The following SLC24A2 variants were observed in gnomAD, a reference collection of about 807,000 sequenced individuals.
SLC24A2 encodes sodium/potassium/calcium exchanger 2.
A neutral mutation model predicts 62.0 loss-of-function variants in SLC24A2; 36 were observed. The observed-to-expected ratio is 0.58, with a 90% CI of 0.44 to 0.77. SLC24A2 has a LOEUF of 0.77. Among genes scored for constraint, SLC24A2 ranks in the 30% least tolerant of loss-of-function variants. SLC24A2 has a pLI of 0.00. For synonymous variants in SLC24A2, 358 were observed against 294.0 expected, an observed-to-expected ratio of 1.22 and a Z score of -2.23; for missense variants, 846 against 817.9, an observed-to-expected ratio of 1.03 and a Z score of -0.42.
intron 8 of SLC24A2, among the ~76,000 whole-genome samples, chr9:19,543,435 G>T (rs1442082142): frequency 5.4e-5 from 8 of 148,896 alleles, no homozygotes; most frequent in African/African-American, 1.7e-4. Flanking sequence ...ATCTCCTTCA[G>T]TTCTGCTCTG....
chr9:19,818,111 C>A, the SLC24A2 span, among the ~76,000 whole-genome samples: 1 of 152,232 alleles, frequency 6.6e-6, no homozygotes, highest in South Asian at 2.1e-4. Context: ...ACAAGGACTA[C>A]GAGATTTATT....
the SLC24A2 span, among the ~76,000 whole-genome samples, chr9:19,923,427 C>T: frequency 6.6e-6 from 1 of 152,076 alleles, no homozygotes; most frequent in Non-Finnish European, 1.5e-5. Context: ...GGTATCCAGC[C>T]ATGATGAGGA....
chr9:19,719,906 G>C (rs140363191), intron 2 of SLC24A2, among the ~76,000 whole-genome samples: 6 of 152,282 alleles, frequency 3.9e-5, no homozygotes, highest in Non-Finnish European at 8.8e-5. Context: ...ATTGTTATGT[G>C]ATTGCAAGCA....
chr9:20,078,491 G>A, the SLC24A2 span, among the ~76,000 whole-genome samples: 12 of 152,088 alleles, frequency 7.9e-5, no homozygotes, highest in African/African-American at 1.2e-4. Flanking sequence ...AGAACAAGAT[G>A]GTCAGGTTTA....
At chr9:19,607,094 G>GTGTAAA in intron 4 of SLC24A2, among the ~76,000 whole-genome samples, 1 of 152,320 alleles carries the variant, frequency 6.6e-6, no homozygotes, top group South Asian at 2.1e-4. Flanking sequence ...GGTGTCTTTA[G>GTGTAAA]TGTAAATGCC....
At chr9:19,735,761 A>G (rs1392266121) in intron 2 of SLC24A2, among the ~76,000 whole-genome samples, 2 of 152,084 alleles carry the variant, frequency 1.3e-5, no homozygotes, top group Non-Finnish European at 2.9e-5. Context: ...CGCAAGGACA[A>G]AAAACCAAAC....
intron 2 of SLC24A2, among the ~76,000 whole-genome samples, chr9:19,648,907 T>C (rs1234055999): frequency 6.9e-6 from 1 of 145,352 alleles, no homozygotes; most frequent in Admixed American, 7.3e-5. Context: ...CAAAGTTATT[T>C]AATAAAGCTG....
the SLC24A2 span, among the ~76,000 whole-genome samples, chr9:20,208,761 G>A: frequency 1.3e-5 from 2 of 152,176 alleles, no homozygotes; most frequent in Non-Finnish European, 2.9e-5. Flanking sequence ...CATAACTCAA[G>A]AGAGTCATGA....
the SLC24A2 span, among the ~76,000 whole-genome samples, chr9:19,811,871 T>A: frequency 6.6e-6 from 1 of 152,184 alleles, no homozygotes; most frequent in Admixed American, 6.5e-5. Flanking sequence ...ATTGCTTTTC[T>A]TTACTGCCTG....
the SLC24A2 span, among the ~76,000 whole-genome samples, chr9:20,180,652 A>G: frequency 6.6e-6 from 1 of 152,196 alleles, no homozygotes. Flanking sequence ...TACATTAATA[A>G]TTAGAGCCTA....
chr9:19,736,358 C>A (rs999399), intron 2 of SLC24A2, among the ~76,000 whole-genome samples: 7,836 of 152,126 alleles, frequency 0.052, 418 homozygotes, highest in African/African-American at 0.12. Context: ...ATCTAATTAA[C>A]TGATTATAAA....
intron 2 of SLC24A2, among the ~76,000 whole-genome samples, chr9:19,693,537 A>C: frequency 6.6e-6 from 1 of 152,158 alleles, no homozygotes; most frequent in East Asian, 1.9e-4. Flanking sequence ...TTATATACCT[A>C]AACTCTTACT....
intron 9 of SLC24A2, among the ~76,000 whole-genome samples, chr9:19,523,301 C>T (rs7039113): frequency 0.37 from 56,974 of 151,986 alleles, 10,804 homozygotes; most frequent in Middle Eastern, 0.45. Flanking sequence ...CTTGCCACTC[C>T]TAGTGCAAGT....
At chr9:20,023,953 C>T in the SLC24A2 span, among the ~76,000 whole-genome samples, 1 of 152,194 alleles carries the variant, frequency 6.6e-6, no homozygotes, top group Non-Finnish European at 1.5e-5. Context: ...GAACATGGTG[C>T]TCAGGCATAA....
chr9:20,206,539 G>C, the SLC24A2 span, among the ~76,000 whole-genome samples: 1 of 152,014 alleles, frequency 6.6e-6, no homozygotes, highest in Non-Finnish European at 1.5e-5. Flanking sequence ...GCCCAGGCTG[G>C]AGTGCAGTGG....
chr9:19,983,439 T>C, the SLC24A2 span, among the ~76,000 whole-genome samples: 1 of 152,140 alleles, frequency 6.6e-6, no homozygotes, highest in East Asian at 1.9e-4. Context: ...GGTCAAGAGA[T>C]CGAGACCATA....
chr9:19,950,173 G>C, the SLC24A2 span, among the ~76,000 whole-genome samples: 1 of 152,124 alleles, frequency 6.6e-6, no homozygotes, highest in African/African-American at 2.4e-5. Context: ...ATGTGGCTCA[G>C]CTTTCTTATC....
the SLC24A2 span, among the ~76,000 whole-genome samples, chr9:19,906,309 C>G: frequency 6.6e-6 from 1 of 151,648 alleles, no homozygotes; most frequent in African/African-American, 2.4e-5. Flanking sequence ...ACCAGAATCT[C>G]TGGGACACAT....
the SLC24A2 span, among the ~76,000 whole-genome samples, chr9:20,161,456 G>A: frequency 6.6e-6 from 1 of 151,382 alleles, no homozygotes. Flanking sequence ...TATCCCTGAT[G>A]AATATTGATG....
Sources: allele counts gnomAD v4.1 joint callset (sites outside exome capture counted in the v4.1 genomes callset), GRCh38; gene constraint gnomAD v4.1.1; transcripts MANE v1.5; gene names NCBI Gene and HGNC (gene_info 2026-07-23, HGNC 2026-07-21).